The following TMX4 variants were observed in gnomAD, a reference collection of about 807,000 sequenced individuals.
TMX4 encodes thioredoxin related transmembrane protein 4.
In TMX4, 23 loss-of-function variants were observed where a neutral mutation model predicts 33.3. The ratio of observed to expected loss-of-function variants is 0.69; its 90% CI spans 0.50 to 0.98. The LOEUF (loss-of-function observed/expected upper bound fraction) is 0.98, where lower values mean the gene tolerates loss of function less well. TMX4 is among the 50% of genes least tolerant of loss of function. The probability of loss-of-function intolerance (pLI) is 0.00; values close to 1 mark genes in which losing one functional copy is unlikely to be tolerated. For missense variants in TMX4, 399 were observed against 448.9 expected (o/e 0.89, Z 1.01); for synonymous variants, 164 against 161.5 (o/e 1.02, Z -0.12).
At chr20:8,002,479 T>G (rs2050711725) in intron 2 of TMX4, among the ~76,000 whole-genome samples, 1 of 152,192 alleles carries the variant, frequency 6.6e-6, no homozygotes, top group Admixed American at 6.5e-5. Flanking sequence ...CTTTAAATGT[T>G]ACAAATAAAT....
At chr20:7,997,082 T>C (rs2050679594) in intron 4 of TMX4, among the ~76,000 whole-genome samples, 1 of 152,130 alleles carries the variant, frequency 6.6e-6, no homozygotes, top group Non-Finnish European at 1.5e-5. Context: ...TTCTGGAAAA[T>C]GGCAGACCTT....
At position 8,019,602 on chromosome 20, in the gene TMX4, C is replaced by CG. The variant is rs1262678335; in HGVS notation, c.11_12insC (p.Arg5AlafsTer67). 1 of 1,351,256 alleles carries CG rather than the reference C, an allele frequency of 7.4e-7. No individual in the cohort carries two copies. Among genetic ancestry groups the CG allele is most frequent in the East Asian group, 3.1e-5 (1 of 32,100 alleles). The allele number at this position is 1,351,256 out of a possible 1,614,324, so 83.7% of individuals were successfully genotyped here. A position where few individuals can be genotyped will look rare whatever the true frequency, so the allele number is the denominator to read the frequency against. ...GCGCCGTTAGCTGCGGGCCGCAGCG[C>CG]CCACCCGCCATGTTGGGCGCCGAGC... On this transcript the variant is annotated frameshift_variant, in exon 1 of 8. Transcript: ENST00000246024. LOFTEE classifies it high-confidence loss of function.
At chr20:7,990,699 G>A (rs2050650796) in intron 5 of TMX4, among the ~76,000 whole-genome samples, 1 of 152,212 alleles carries the variant, frequency 6.6e-6, no homozygotes, top group Non-Finnish European at 1.5e-5. Flanking sequence ...TTTGGATTTA[G>A]AGTTCACCTG....
chr20:7,983,998 G>C, intron 6 of TMX4, 141 bp from the exon 7 acceptor site: 2 of 592,438 alleles, frequency 3.4e-6, no homozygotes, highest in African/African-American at 3.8e-5. Context: ...AAGAGACAAG[G>C]ATATAATTAA....
At position 8,019,646 on chromosome 20, in the gene TMX4, G is replaced by C; in HGVS notation, c.-33C>G. 1 of 1,313,820 alleles carries C rather than the reference G, an allele frequency of 7.6e-7. No individual in the cohort carries two copies. Among genetic ancestry groups the C allele is most frequent in the Non-Finnish European group, 9.7e-7 (1 of 1,031,514 alleles). The allele number at this position is 1,313,820 out of a possible 1,614,324, so 81.4% of individuals were successfully genotyped here. ...GCCGAGCGAGGCTTCTCGGCGGGGA[G>C]TGTGGGGAAGGGCAGCGGCCGGCCC... is the stretch of plus-strand genomic sequence containing the variant. On this transcript the variant is annotated 5_prime_UTR_variant, in exon 1 of 8. Transcript: ENST00000246024.
At chr20:7,996,281 C>T (rs2050676053) in intron 4 of TMX4, among the ~76,000 whole-genome samples, 1 of 152,116 alleles carries the variant, frequency 6.6e-6, no homozygotes, top group South Asian at 2.1e-4. Context: ...TTGGCCCTTT[C>T]TCCTTTCATT....
At position 8,019,646 on chromosome 20, in the gene TMX4, G is replaced by A; in HGVS notation, c.-33C>T. ...GCCGAGCGAGGCTTCTCGGCGGGGAGTGTGGGGAAGGGCAGCGGCCGGCCC... is the reference window on the plus strand; with the variant it reads ...GCCGAGCGAGGCTTCTCGGCGGGGAATGTGGGGAAGGGCAGCGGCCGGCCC... On this transcript the variant is annotated 5_prime_UTR_variant, in exon 1 of 8. Transcript: ENST00000246024. 1 of 1,313,820 alleles carries A rather than the reference G, an allele frequency of 7.6e-7. No homozygotes were observed. Among genetic ancestry groups the A allele is most frequent in the Non-Finnish European group, 9.7e-7 (1 of 1,031,514 alleles). The allele number at this position is 1,313,820 out of a possible 1,614,324, so 81.4% of individuals were successfully genotyped here. A position where few individuals can be genotyped will look rare whatever the true frequency, so the allele number is the denominator to read the frequency against.
chr20:8,017,174 C>T (rs978250042), intron 1 of TMX4, among the ~76,000 whole-genome samples: 1 of 151,866 alleles, frequency 6.6e-6, no homozygotes, highest in East Asian at 1.9e-4. Flanking sequence ...TAGATAAGAA[C>T]CAAAATATTT....
In TMX4 at chr20:7,981,156, A is replaced by T. The variant is rs2050603994; in HGVS notation, c.*1095T>A. On this transcript the variant is annotated 3_prime_UTR_variant, in exon 8 of 8. Coordinates refer to ENST00000246024, the MANE Select transcript of TMX4 (RefSeq NM_021156.4). ...TCTTTGGAAGATTACAGAAGATGGA[A>T]ACAAAATCAAATCTTTCACTTTCAG... 6.6e-6 allele frequency: 1 copy of T among 152,210 alleles called. No individual in the cohort carries two copies. The highest frequency in any genetic ancestry group is 1.5e-5 in the Non-Finnish European group (1 of 68,032). The allele number at this position is 152,210 out of a possible 1,614,324, so 9.4% of individuals were successfully genotyped here.
Position 7,982,382 on chromosome 20 carries a change from C to T in TMX4, c.919G>A (p.Val307Met). ...TCAGGCTCTACTTCCTCCCGGGTCACACCGTCCTCTCCTGGGGGCCCCTGA... is the reference window on the plus strand; with the variant it reads ...TCAGGCTCTACTTCCTCCCGGGTCATACCGTCCTCTCCTGGGGGCCCCTGA... The part of the protein sequence containing the change: ...NDQGPPGEDG[V>M]TREEVEPEEA... Residue 307 changes from valine to methionine, a missense_variant, in exon 8 of 8, where the codon GTG becomes ATG. Transcript: ENST00000246024. 1.2e-6 allele frequency: 2 copies of T among 1,614,114 alleles called. No homozygotes were observed. Among genetic ancestry groups the T allele is most frequent in the South Asian group, 2.2e-5 (2 of 91,078 alleles).
At chr20:7,986,307 T>C (rs886946673) in intron 6 of TMX4, among the ~76,000 whole-genome samples, 1 of 152,210 alleles carries the variant, frequency 6.6e-6, no homozygotes. Context: ...TAAGCCATGA[T>C]ATGTATTAAG....
chr20:7,992,058 A>T (rs991442190), intron 5 of TMX4, among the ~76,000 whole-genome samples: 2 of 152,254 alleles, frequency 1.3e-5, no homozygotes, highest in Non-Finnish European at 2.9e-5. Context: ...CCTGAAGTTC[A>T]ATCTTCTGCA....
intron 6 of TMX4, 28 bp downstream of exon 6, chr20:7,987,260 A>G: frequency 2.1e-6 from 3 of 1,418,614 alleles, no homozygotes; most frequent in Non-Finnish European, 2.9e-6. Context: ...TGCCTTAAAG[A>G]TAGAAAAAGT....
Position 8,019,515 on chromosome 20 carries a change from C to G in TMX4, c.99G>C (p.Pro33=). 6.7e-7 allele frequency: 1 copy of G among 1,498,108 alleles called. No individual in the cohort carries two copies. Among genetic ancestry groups the G allele is most frequent in the Non-Finnish European group, 8.9e-7 (1 of 1,124,302 alleles). The allele number at this position is 1,498,108 out of a possible 1,614,324, so 92.8% of individuals were successfully genotyped here. A position where few individuals can be genotyped will look rare whatever the true frequency, so the allele number is the denominator to read the frequency against. ...TGGGCTGGACCCGGCTCTGCTCCGG[C>G]GGCAGCGCGGCCTCCTCGGGGCCTG... ...ATAGPEEAAL[P]PEQSRVQPMT... Residue 33 remains proline, a synonymous_variant, in exon 1 of 8, where the codon CCG becomes CCC. Coordinates refer to ENST00000246024, the MANE Select transcript of TMX4 (RefSeq NM_021156.4).
chr20:7,996,626 A>G (rs1600143213), intron 4 of TMX4, among the ~76,000 whole-genome samples: 1 of 152,222 alleles, frequency 6.6e-6, no homozygotes, highest in East Asian at 1.9e-4. Flanking sequence ...TATGACAGGA[A>G]AAGTCTAACT....
chr20:8,013,621 G>A (rs956164362), intron 1 of TMX4: 2 of 152,182 alleles, frequency 1.3e-5, no homozygotes, highest in Non-Finnish European at 2.9e-5. Context: ...TTGATGGAAC[G>A]AGGTTGAAGG....
rs563831209 is a variant in TMX4, at chr20:8,009,229, AC to A, written c.292+970del. On this transcript the variant is annotated intron_variant, in intron 2 of 7. Coordinates refer to ENST00000246024, the MANE Select transcript of TMX4 (RefSeq NM_021156.4). Reference sequence around the variant, plus strand: ...ATACAGTTGTTTTAAAACTACAAACACAAATTTATTGTATATATCTTTTCAG... The same window carrying A: ...ATACAGTTGTTTTAAAACTACAAACAAAATTTATTGTATATATCTTTTCAG... 4.1e-4 allele frequency among the ~76,000 whole-genome samples: 62 copies of A among 152,286 alleles called. No individual in the cohort carries two copies. The East Asian group carries it at 0.012, about 29-fold the overall frequency.
intron 1 of TMX4, among the ~76,000 whole-genome samples, chr20:8,013,211 T>A (rs1337284896): frequency 6.6e-6 from 1 of 152,116 alleles, no homozygotes; most frequent in Non-Finnish European, 1.5e-5. Context: ...TTGAACATGA[T>A]CTTCATTAAA....
At chr20:8,018,903 G>T in intron 1 of TMX4, 1 of 370,322 alleles carries the variant, frequency 2.7e-6, no homozygotes, top group Non-Finnish European at 5.3e-6. Flanking sequence ...GTCTTCAAAC[G>T]GAAGACTACG....
Sources: gnomAD v4.1 joint callset for allele counts (sites outside exome capture counted in the v4.1 genomes callset) on GRCh38, gnomAD v4.1.1 for gene constraint, MANE v1.5 for transcripts, NCBI Gene and HGNC (gene_info 2026-07-23, HGNC 2026-07-21) for gene names.